UBASH3B: variants seen among roughly 807,000 people sequenced by gnomAD.
The protein encoded by UBASH3B is ubiquitin-associated and SH3 domain-containing protein B.
A neutral mutation model predicts 83.4 loss-of-function variants in UBASH3B; 37 were observed. That is an observed-to-expected ratio of 0.44 (90% confidence interval 0.34 to 0.58). The LOEUF is 0.58. Ranked by LOEUF, UBASH3B falls within the 20% of genes least tolerant of loss-of-function variation. The pLI is 0.01. For synonymous variants in UBASH3B, 304 were observed against 318.3 expected (o/e 0.96, Z 0.48); for missense variants, 657 against 827.2 (o/e 0.79, Z 2.52).
chr11:122,789,225 G>A lies in UBASH3B; in HGVS notation c.897G>A (p.Thr299=), dbSNP rs751240014. ...TSTSEGWIYG[T]SLTTGCSGLL... is the part of the protein sequence containing the mutation. ...CCAGCGAGGGTTGGATCTATGGCAC[G>A]TCCTTAACCACCGGCTGCTCTGGAC... is the stretch of plus-strand genomic sequence containing the variant. The change falls in exon 6 of 14, where the codon ACG becomes ACA. Residue 299 remains threonine (T), a synonymous_variant. Coordinates refer to ENST00000284273, the MANE Select transcript of UBASH3B (RefSeq NM_032873.5). The A allele has an allele frequency of 8.1e-6, 13 of 1,614,178 alleles. 1 individual carries two copies. Among genetic ancestry groups the A allele is most frequent in the South Asian group, 6.6e-5 (6 of 91,090 alleles).
chr11:122,811,279 G>A lies in UBASH3B; in HGVS notation c.*1393G>A, dbSNP rs1861444119. ...GTAGAAGATGTATGCAAAGTGAAAT[G>A]CCAGCCCTTTAAAGAGACATTAGTT... On this transcript the variant is annotated 3_prime_UTR_variant, in exon 14 of 14. Transcript: ENST00000284273. 6.6e-6 allele frequency: 1 copy of A among 152,622 alleles called. No individual in the cohort carries two copies. Among genetic ancestry groups the A allele is most frequent in the Non-Finnish European group, 1.5e-5 (1 of 68,034 alleles). The allele number at this position is 152,622 out of a possible 1,614,324, so 9.5% of individuals were successfully genotyped here.
At chr11:122,712,227 C>T (rs1031649384) in intron 1 of UBASH3B, among the ~76,000 whole-genome samples, 3 of 152,080 alleles carry the variant, frequency 2.0e-5, no homozygotes, top group Admixed American at 6.6e-5. Flanking sequence ...ACATTTTGAA[C>T]GAGCTGGAAG....
intron 8 of UBASH3B, 64 bp from the exon 9 acceptor site, chr11:122,796,837 TGTCAGGATCA>T: frequency 6.2e-7 from 1 of 1,602,212 alleles, no homozygotes; most frequent in Non-Finnish European, 8.5e-7. Flanking sequence ...GGGTGGAGAG[TGTCAGGATCA>T]GTAAGGGAGT....
At chr11:122,776,296 A>G (rs1591808438) in intron 2 of UBASH3B, 24 bp downstream of exon 2, 1 of 1,593,096 alleles carries the variant, frequency 6.3e-7, no homozygotes, top group Non-Finnish European at 8.5e-7. Flanking sequence ...AAATAAATTG[A>G]GAAAATAGCA....
At chr11:122,799,714 A>C (rs1203947601) in intron 10 of UBASH3B, among the ~76,000 whole-genome samples, 1 of 152,168 alleles carries the variant, frequency 6.6e-6, no homozygotes, top group Non-Finnish European at 1.5e-5. Flanking sequence ...GGAGCCTCAA[A>C]TCTTAATCAT....
Position 122,729,975 on chromosome 11 carries a change from T to TAAAAAA in UBASH3B, c.162-46220_162-46215dup, listed in dbSNP as rs34778631. 1.4e-4 allele frequency among the ~76,000 whole-genome samples: 4 copies of TAAAAAA among 27,964 alleles called. 1 individual carries two copies. The highest frequency in any genetic ancestry group is 2.2e-4 in the Non-Finnish European group (4 of 18,048). 18.3% of individuals were successfully genotyped at this position (27,964 alleles called of 152,430 possible). On this transcript the variant is annotated intron_variant, in intron 1 of 13. Coordinates refer to ENST00000284273, the MANE Select transcript of UBASH3B (RefSeq NM_032873.5). The stretch of plus-strand genomic sequence containing the variant: ...CTGGGTGACAGAGTGAGACCCTATC[T>TAAAAAA]AAAAAAAAAAAAAAAAAAAAAAAAA...
intron 1 of UBASH3B, among the ~76,000 whole-genome samples, chr11:122,683,231 C>A (rs1280067909): frequency 2.8e-5 from 3 of 108,008 alleles, no homozygotes; most frequent in Non-Finnish European, 6.0e-5. Flanking sequence ...CAGAGTGAGA[C>A]CTTGTTTCAA....
intron 1 of UBASH3B, among the ~76,000 whole-genome samples, chr11:122,770,917 T>G (rs1406203129): frequency 6.6e-6 from 1 of 152,224 alleles, no homozygotes; most frequent in Non-Finnish European, 1.5e-5. Context: ...AGCATCCAGC[T>G]TATCTCTCTG....
chr11:122,779,881 C>T (rs186635300), intron 4 of UBASH3B, among the ~76,000 whole-genome samples, 186 bp downstream of exon 4: 45 of 152,322 alleles, frequency 3.0e-4, no homozygotes, highest in African/African-American at 9.9e-4. Context: ...CTTGTAAAAA[C>T]GTTCAACCCC....
intron 1 of UBASH3B, among the ~76,000 whole-genome samples, chr11:122,729,623 T>C (rs1860803794): frequency 6.6e-6 from 1 of 151,934 alleles, no homozygotes; most frequent in African/African-American, 2.4e-5. Context: ...TAAATCTTTA[T>C]GAGTATTTTG....
rs1259035007 is a variant in UBASH3B, at chr11:122,810,649, A to T, written c.*763A>T. The stretch of plus-strand genomic sequence containing the variant: ...ATACATGTTTGAAGTATTCAATCAT[A>T]GGAGCAAAGAACTTGCAAAATATGA... On this transcript the variant is annotated 3_prime_UTR_variant, in exon 14 of 14. Transcript: ENST00000284273. The T allele has an allele frequency of 6.6e-6, 1 of 152,640 alleles. No homozygotes were observed. The highest frequency in any genetic ancestry group is 1.9e-4 in the East Asian group (1 of 5,200). 9.5% of individuals were successfully genotyped at this position (152,640 alleles called of 1,614,324 possible). A position where few individuals can be genotyped will look rare whatever the true frequency, so the allele number is the denominator to read the frequency against.
rs1353292425 is a variant in UBASH3B, at chr11:122,808,150, A to G, written c.1786A>G (p.Lys596Glu). 1 of 1,614,134 alleles carries G rather than the reference A, an allele frequency of 6.2e-7. No homozygotes were observed. The highest frequency in any genetic ancestry group is 1.1e-5 in the South Asian group (1 of 91,086). Residue 596 changes from lysine to glutamate, a missense_variant, in exon 13 of 14, where the codon AAG becomes GAG. This residue lies in a region of UBASH3B where 573 missense variants were observed against 739.0 expected (regional missense o/e 0.78). Transcript: ENST00000284273. The part of the protein sequence containing the change: ...QLQGLSPQNS[K>E]DFVQMVRKIP... ...TCAGGGCCTGTCACCTCAGAACTCC[A>G]AGGACTTCGTACAAATGGTCCGAAA...
chr11:122,662,400 G>A (rs977519701), intron 1 of UBASH3B, among the ~76,000 whole-genome samples: 2 of 151,036 alleles, frequency 1.3e-5, no homozygotes, highest in African/African-American at 4.9e-5. Context: ...CCCCAACCCT[G>A]AGCAGCCACC....
intron 1 of UBASH3B, among the ~76,000 whole-genome samples, chr11:122,697,887 A>G (rs537866424): frequency 1.2e-3 from 178 of 152,202 alleles, no homozygotes; most frequent in Middle Eastern, 6.8e-3. Context: ...ATATTTATAT[A>G]CCTCCTCATT....
rs1861340336 is a variant in UBASH3B, at chr11:122,806,411, C to A, written c.1597C>A (p.Pro533Thr). Residue 533 changes from proline to threonine, a missense_variant and splice_region_variant, in exon 12 of 14, where the codon CCT becomes ACT. By Grantham distance (38) the Pro-to-Thr change is conservative. This residue lies in a region of UBASH3B where 573 missense variants were observed against 739.0 expected (regional missense o/e 0.78). Transcript: ENST00000284273. The surrounding 1 kb of genome is among the most constrained non-coding windows in gnomAD (Gnocchi z 4.0). ...ANLSVDTTYR[P>T]HIPISKLVVS... The stretch of plus-strand genomic sequence containing the variant: ...CCTTTGTTCATTTTTCTATTACAGA[C>A]CTCACATTCCAATCAGCAAATTAGT... The A allele has an allele frequency of 3.7e-6, 6 of 1,600,800 alleles. No homozygotes were observed. The East Asian group carries it at 1.3e-4, about 36-fold the overall frequency.
At chr11:122,800,185 G>A (rs1445639966) in intron 10 of UBASH3B, among the ~76,000 whole-genome samples, 1 of 152,086 alleles carries the variant, frequency 6.6e-6, no homozygotes, top group Non-Finnish European at 1.5e-5. Flanking sequence ...ATACGATGTT[G>A]GATACTCAGA....
chr11:122,790,243 G>T (rs1008276658), intron 6 of UBASH3B, among the ~76,000 whole-genome samples: 21 of 152,126 alleles, frequency 1.4e-4, no homozygotes, highest in African/African-American at 4.8e-4. Context: ...AGAAAATAAA[G>T]GTCCCCTACC....
chr11:122,691,800 G>T (rs1263174798), intron 1 of UBASH3B, among the ~76,000 whole-genome samples: 1 of 152,128 alleles, frequency 6.6e-6, no homozygotes, highest in Non-Finnish European at 1.5e-5. Flanking sequence ...CCCCTGGCTT[G>T]AGCAAAAGGC....
In UBASH3B at chr11:122,798,953, T is replaced by G. The variant is rs770006869; in HGVS notation, c.1369T>G (p.Leu457Val). ...GGTTTTCTTTGCAGGTGAAGCCTTA[T>G]TAGAGAGCAATACCATTATCGATCA... ...MQARLVGEAL[L>V]ESNTIIDHVY... Residue 457 changes from leucine to valine, a missense_variant, in exon 10 of 14, where the codon TTA (leucine) becomes GTA (valine). Transcript: ENST00000284273. The G allele has an allele frequency of 5.3e-5, 85 of 1,613,986 alleles. 1 individual carries two copies. The South Asian group carries it at 6.7e-4, about 13-fold the overall frequency.
Sources: gnomAD v4.1 joint callset for allele counts (sites outside exome capture counted in the v4.1 genomes callset) on GRCh38, gnomAD v4.1.1 for gene constraint, gnomAD v4.1.1 regional missense constraint, Gnocchi (gnomAD v3.1) non-coding constraint, MANE v1.5 for transcripts, NCBI Gene and HGNC (gene_info 2026-07-23, HGNC 2026-07-21) for gene names.